HHLA2: variants seen among roughly 807,000 people sequenced by gnomAD.
The protein encoded by HHLA2 is HERV-H LTR-associating protein 2.
A neutral mutation model predicts 45.9 loss-of-function variants in HHLA2; 48 were observed. The ratio of observed to expected loss-of-function variants is 1.05; its 90% CI spans 0.83 to 1.33. The LOEUF is 1.33. Among genes scored for constraint, HHLA2 ranks in the 40% most tolerant of loss-of-function variants. The pLI, the probability that HHLA2 is intolerant of heterozygous loss-of-function variation, is 0.00. For synonymous variants in HHLA2, 161 were observed against 173.9 expected (o/e 0.93, Z 0.59); for missense variants, 462 against 494.3 (o/e 0.93, Z 0.62).
At chr3:108,378,160 T>G (rs1055663955) in exon 11 of HHLA2, 4 of 152,156 alleles carry the variant, frequency 2.6e-5, no homozygotes, top group Non-Finnish European at 5.9e-5. Flanking sequence ...AACATTGCTC[T>G]TAACTTCACC....
chr3:108,367,850 C>T (rs776468398), intron 8 of HHLA2, among the ~76,000 whole-genome samples: 1 of 152,080 alleles, frequency 6.6e-6, no homozygotes, highest in Non-Finnish European at 1.5e-5. Context: ...TCAGGACATA[C>T]AGAGAACACC....
intron 6 of HHLA2, 28 bp from the exon 6 acceptor site, chr3:108,357,816 G>A (rs1238804): frequency 6.5e-7 from 1 of 1,533,786 alleles, no homozygotes; most frequent in Non-Finnish European, 8.9e-7. Context: ...TATCTTCATT[G>A]ATGTTTTCTT....
At chr3:108,363,484 T>C (rs991850887) in intron 8 of HHLA2, among the ~76,000 whole-genome samples, 7 of 152,096 alleles carry the variant, frequency 4.6e-5, no homozygotes, top group Admixed American at 4.6e-4. Flanking sequence ...CCTGCTGAAG[T>C]TAGGAGATTA....
intron 2 of HHLA2, among the ~76,000 whole-genome samples, chr3:108,318,218 T>C (rs1310110675): frequency 1.3e-5 from 2 of 151,844 alleles, no homozygotes; most frequent in African/African-American, 4.8e-5. Context: ...GCTTTGACTG[T>C]AGCCAATTTT....
intron 8 of HHLA2, among the ~76,000 whole-genome samples, chr3:108,370,709 C>G (rs2082154754): frequency 6.6e-6 from 1 of 152,050 alleles, no homozygotes; most frequent in African/African-American, 2.4e-5. Flanking sequence ...ATTCGATCAA[C>G]TGGAAGAAAG....
intron 8 of HHLA2, among the ~76,000 whole-genome samples, chr3:108,366,698 G>C (rs2082068341): frequency 6.6e-6 from 1 of 152,148 alleles, no homozygotes; most frequent in African/African-American, 2.4e-5. Context: ...TCCTGGTTTA[G>C]TCTTAGGAGG....
intron 2 of HHLA2, among the ~76,000 whole-genome samples, chr3:108,317,316 A>T (rs544712623): frequency 1.1e-4 from 17 of 152,326 alleles, no homozygotes; most frequent in African/African-American, 4.1e-4. Context: ...AAGTATAGAC[A>T]CATTCTTCAC....
intron 2 of HHLA2, among the ~76,000 whole-genome samples, chr3:108,318,015 G>A (rs1312028590): frequency 6.6e-6 from 1 of 151,770 alleles, no homozygotes; most frequent in African/African-American, 2.4e-5. Context: ...AACCCTGTCT[G>A]TACTAAAAAT....
chr3:108,353,962 G>A (rs1471719596), intron 5 of HHLA2, among the ~76,000 whole-genome samples, 182 bp downstream of exon 4: 1 of 152,158 alleles, frequency 6.6e-6, no homozygotes, highest in Non-Finnish European at 1.5e-5. Context: ...TTCCCCTGTT[G>A]GTGGGTATTC....
intron 2 of HHLA2, among the ~76,000 whole-genome samples, chr3:108,321,838 G>C (rs998675230): frequency 1.3e-5 from 2 of 151,842 alleles, no homozygotes; most frequent in African/African-American, 4.8e-5. Flanking sequence ...TTACTGTCTA[G>C]GAGACAGTCT....
At chr3:108,355,255 A>T (rs770621306) in exon 6 of HHLA2, 1 of 1,613,924 alleles carries the variant, frequency 6.2e-7, no homozygotes, top group South Asian at 1.1e-5. Flanking sequence ...CATGGAAGAA[A>T]CAGGGTCTTT....
chr3:108,373,276 C>A (rs575757223), intron 8 of HHLA2, among the ~76,000 whole-genome samples: 9 of 152,296 alleles, frequency 5.9e-5, no homozygotes, highest in Non-Finnish European at 1.2e-4. Flanking sequence ...CACAATTCAA[C>A]AACGCCTTCA....
intron 2 of HHLA2, among the ~76,000 whole-genome samples, chr3:108,313,061 G>C (rs1018082086): frequency 2.0e-5 from 3 of 152,154 alleles, no homozygotes; most frequent in Non-Finnish European, 4.4e-5. Flanking sequence ...TAGTTTTCAT[G>C]GCAAAAGGAT....
exon 4 of HHLA2, chr3:108,351,821 C>T (rs1348152903): frequency 6.2e-7 from 1 of 1,612,758 alleles, no homozygotes; most frequent in Non-Finnish European, 8.5e-7. Flanking sequence ...GACATGAAGG[C>T]ACAGACAGCA....
intron 3 of HHLA2, among the ~76,000 whole-genome samples, chr3:108,341,683 T>C (rs916403843): frequency 1.3e-5 from 2 of 152,232 alleles, no homozygotes; most frequent in African/African-American, 4.8e-5. Context: ...ATCTTCATTA[T>C]GCGTTACTTT....
At chr3:108,351,079 C>T (rs918272359) in intron 3 of HHLA2, among the ~76,000 whole-genome samples, 1 of 152,190 alleles carries the variant, frequency 6.6e-6, no homozygotes, top group African/African-American at 2.4e-5. Flanking sequence ...TAAAAATTAA[C>T]TTTAATCCTA....
chr3:108,362,091 T>C (rs1022874159), intron 7 of HHLA2, among the ~76,000 whole-genome samples: 1 of 152,178 alleles, frequency 6.6e-6, no homozygotes, highest in Non-Finnish European at 1.5e-5. Context: ...TTTCCCACAA[T>C]AGATACACTG....
chr3:108,351,963 A>C (rs1484631436), intron 4 of HHLA2, 86 bp downstream of exon 3: 2 of 855,392 alleles, frequency 2.3e-6, no homozygotes, highest in Non-Finnish European at 1.9e-6. Context: ...TATTTCCTCC[A>C]TAGCCACAGC....
intron 2 of HHLA2, chr3:108,328,201 T>C (rs1386198256): frequency 2.9e-6 from 2 of 694,768 alleles, no homozygotes; most frequent in African/African-American, 3.7e-5. Flanking sequence ...AGGGAATTTG[T>C]TTTTATTTTA....
Sources: gnomAD v4.1 joint callset for allele counts (sites outside exome capture counted in the v4.1 genomes callset) on GRCh38, gnomAD v4.1.1 for gene constraint, MANE v1.5 for transcripts, NCBI Gene and HGNC (gene_info 2026-07-23, HGNC 2026-07-21) for gene names.